The following AIFM1 variants were observed in gnomAD, a reference collection of about 807,000 sequenced individuals.
AIFM1 encodes the protein apoptosis-inducing factor 1, mitochondrial.
In AIFM1, 3 loss-of-function variants were observed where a neutral mutation model predicts 51.7. That is an observed-to-expected ratio of 0.06 (90% CI 0.03 to 0.15). AIFM1 has a LOEUF of 0.15. Ranked by LOEUF, AIFM1 falls within the 10% of genes least tolerant of loss-of-function variation. The pLI is 1.00. For synonymous variants in AIFM1, 178 were observed against 179.4 expected, an observed-to-expected ratio of 0.99 and a Z score of 0.06; for missense variants, 330 against 476.8, an observed-to-expected ratio of 0.69 and a Z score of 2.87.
Position 130,140,634 on chromosome X carries a change from C to T in AIFM1, c.697-17G>A, listed in dbSNP as rs988515506. On this transcript the variant is annotated splice_polypyrimidine_tract_variant and intron_variant, in intron 6 of 15. Coordinates refer to ENST00000287295, the MANE Select transcript of AIFM1 (RefSeq NM_004208.4). The stretch of plus-strand genomic sequence containing the variant: ...CTGTACTACCTGGTACAGTCACACA[C>T]ATACACAAAAGAGGTAGAGATGAAT... 1.7e-6 allele frequency: 2 copies of T among 1,150,977 alleles called. No homozygotes were observed. Among genetic ancestry groups the T allele is most frequent in the Non-Finnish European group, 2.4e-6 (2 of 843,350 alleles). 94.9% of individuals were successfully genotyped at this position (1,150,977 alleles called of 1,213,427 possible). A position where few individuals can be genotyped will look rare whatever the true frequency, so the allele number is the denominator to read the frequency against.
chrX:130,144,822 T>C lies in AIFM1; in HGVS notation c.696+657A>G, dbSNP rs146505186. On this transcript the variant is annotated intron_variant, in intron 6 of 15. Coordinates refer to ENST00000287295, the MANE Select transcript of AIFM1 (RefSeq NM_004208.4). ...GACACTAAATGTCTCATTACCGGCTTATCAACAAACCTATATCCATCTTCT... is the reference window on the plus strand; with the variant it reads ...GACACTAAATGTCTCATTACCGGCTCATCAACAAACCTATATCCATCTTCT... Among the ~76,000 whole-genome samples, 46 of 112,723 alleles carry C rather than the reference T, an allele frequency of 4.1e-4. No individual in the cohort carries two copies. In the South Asian group the frequency reaches 4.4e-3, roughly 11 times the overall value.
intron 9 of AIFM1, 78 bp from the exon 10 acceptor site, chrX:130,137,263 A>G (rs1393259910): frequency 2.5e-5 from 30 of 1,203,352 alleles, no homozygotes; most frequent in Non-Finnish European, 3.2e-5. Flanking sequence ...GTAAAGGAGC[A>G]GCAGGCAGCC....
At chrX:130,165,490 C>T in intron 1 of AIFM1, 61 bp downstream of exon 1, 2 of 989,876 alleles carry the variant, frequency 2.0e-6, no homozygotes, top group Admixed American at 2.6e-5. Flanking sequence ...GGCTGCAAGG[C>T]ACAGGGAGCC....
chrX:130,150,326 C>CTTTTT (rs755785211), intron 2 of AIFM1, among the ~76,000 whole-genome samples: 6 of 61,649 alleles, frequency 9.7e-5, no homozygotes, highest in African/African-American at 1.3e-4. Context: ...TTATTGGAGA[C>CTTTTT]TTTTTTTTTT....
chrX:130,136,563 G>A, intron 11 of AIFM1, 80 bp downstream of exon 11: 1 of 875,365 alleles, frequency 1.1e-6, no homozygotes, highest in Non-Finnish European at 1.7e-6. Flanking sequence ...ATCTACTGGT[G>A]TCAAATGAAG....
chrX:130,144,878 G>A (rs1034021368), intron 6 of AIFM1, among the ~76,000 whole-genome samples: 4 of 112,246 alleles, frequency 3.6e-5, no homozygotes, highest in African/African-American at 9.7e-5. Flanking sequence ...GGAGAAGTGA[G>A]TATGTTCCTA....
intron 2 of AIFM1, chrX:130,155,172 C>A: frequency 1.7e-6 from 2 of 1,211,613 alleles, no homozygotes; most frequent in Non-Finnish European, 2.2e-6. Context: ...AACTCCTGCC[C>A]CAGTGACTGT....
intron 1 of AIFM1, among the ~76,000 whole-genome samples, chrX:130,157,748 C>T (rs758333964): frequency 6.0e-4 from 66 of 109,368 alleles, no homozygotes; most frequent in Non-Finnish European, 1.1e-3. Flanking sequence ...GGGCAGATCA[C>T]GAGGTCAAGA....
chrX:130,161,628 G>A (rs1287567385), intron 1 of AIFM1, among the ~76,000 whole-genome samples: 2 of 93,508 alleles, frequency 2.1e-5, no homozygotes, highest in Non-Finnish European at 4.2e-5. Flanking sequence ...TTTTTTTTGA[G>A]ACAGATTCTC....
intron 2 of AIFM1, among the ~76,000 whole-genome samples, chrX:130,154,833 G>C (rs943176349): frequency 1.8e-5 from 2 of 112,478 alleles, no homozygotes; most frequent in African/African-American, 6.5e-5. Flanking sequence ...AGACTGTCTT[G>C]TTAGATATGC....
At chrX:130,151,143 TTTTC>T (rs1416712916) in intron 2 of AIFM1, among the ~76,000 whole-genome samples, 2 of 107,504 alleles carry the variant, frequency 1.9e-5, no homozygotes, top group African/African-American at 3.5e-5. Context: ...AAACATATTC[TTTTC>T]TTTTTTTTTT....
intron 2 of AIFM1, among the ~76,000 whole-genome samples, chrX:130,150,326 CTTTTTTTTTTTT>C (rs755785211): frequency 1.1e-4 from 7 of 61,649 alleles, no homozygotes; most frequent in East Asian, 4.8e-4. Context: ...TTATTGGAGA[CTTTTTTTTTTTT>C]TTTTTTTTTT....
At position 130,136,745 on chromosome X, in the gene AIFM1, C is replaced by G; in HGVS notation, c.1076-14G>C. On this transcript the variant is annotated splice_polypyrimidine_tract_variant and intron_variant, in intron 10 of 15. Transcript: ENST00000287295. ...CCTTAACCCCCTCTGTAAAGGCAAACAAGACCTGAGAGTGAGCCTACAAGG... is the reference window on the plus strand; with the variant it reads ...CCTTAACCCCCTCTGTAAAGGCAAAGAAGACCTGAGAGTGAGCCTACAAGG... 8.3e-7 allele frequency: 1 copy of G among 1,201,513 alleles called. No homozygotes were observed. Among genetic ancestry groups the G allele is most frequent in the Non-Finnish European group, 1.1e-6 (1 of 886,484 alleles).
chrX:130,131,816 G>C lies in AIFM1; in HGVS notation c.1449-17C>G. The C allele has an allele frequency of 8.3e-7, 1 of 1,210,444 alleles. No homozygotes were observed. Among genetic ancestry groups the C allele is most frequent in the Non-Finnish European group, 1.1e-6 (1 of 894,128 alleles). ...AAATCACTCCTAAGAAGAGAGAAGA[G>C]GGTGTTCTGTCAAGGGACTGTAAGG... On this transcript the variant is annotated splice_polypyrimidine_tract_variant and intron_variant, in intron 13 of 15. Coordinates refer to ENST00000287295, the MANE Select transcript of AIFM1 (RefSeq NM_004208.4).
At chrX:130,157,480 T>A (rs2031201211) in intron 1 of AIFM1, among the ~76,000 whole-genome samples, 3 of 112,080 alleles carry the variant, frequency 2.7e-5, no homozygotes, top group African/African-American at 9.7e-5. Context: ...AACCAGATGG[T>A]AAATATTTTC....
intron 1 of AIFM1, among the ~76,000 whole-genome samples, chrX:130,160,293 G>T (rs1265346797): frequency 9.0e-6 from 1 of 111,517 alleles, no homozygotes; most frequent in Non-Finnish European, 1.9e-5. Context: ...ATTACATCGT[G>T]ACTGAAACAT....
intron 2 of AIFM1, among the ~76,000 whole-genome samples, chrX:130,150,133 G>A (rs916632453): frequency 1.8e-5 from 2 of 110,949 alleles, no homozygotes; most frequent in Non-Finnish European, 3.8e-5. Context: ...AACTCACGAG[G>A]TAGAAGGAAT....
chrX:130,163,999 C>CA (rs34391937), intron 1 of AIFM1, among the ~76,000 whole-genome samples: 761 of 74,537 alleles, frequency 0.01, 4 homozygotes, highest in Middle Eastern at 0.039. Context: ...ACTAAAAATA[C>CA]AAAAAAAAAA....
intron 6 of AIFM1, 56 bp from the exon 7 acceptor site, chrX:130,140,673 G>T: frequency 1.1e-6 from 1 of 910,409 alleles, no homozygotes; most frequent in Non-Finnish European, 1.6e-6. Flanking sequence ...CATTGAAAAA[G>T]TTTTATTGAG....
Sources: allele counts gnomAD v4.1 joint callset (sites outside exome capture counted in the v4.1 genomes callset), GRCh38; gene constraint gnomAD v4.1.1; transcripts MANE v1.5; gene names NCBI Gene and HGNC (gene_info 2026-07-23, HGNC 2026-07-21).